The following UAP1 variants were observed in gnomAD, a reference collection of about 807,000 sequenced individuals.
The protein encoded by UAP1 is UDP-N-acetylhexosamine pyrophosphorylase.
A neutral mutation model predicts 58.5 loss-of-function variants in UAP1; 25 were observed. That is an observed-to-expected ratio of 0.43 (90% confidence interval 0.31 to 0.60). The LOEUF (loss-of-function observed/expected upper bound fraction) is 0.60, where lower values mean the gene tolerates loss of function less well. Among genes scored for constraint, UAP1 ranks in the 20% least tolerant of loss-of-function variants. UAP1 has a pLI of 0.11. For synonymous variants in UAP1, 208 were observed against 213.0 expected (o/e 0.98, Z 0.21); for missense variants, 575 against 630.0 (o/e 0.91, Z 0.93).
intron 8 of UAP1, among the ~76,000 whole-genome samples, chr1:162,591,299 G>A (rs1294273057): frequency 6.6e-6 from 1 of 152,138 alleles, no homozygotes; most frequent in African/African-American, 2.4e-5. Context: ...CCTACAAATT[G>A]TAGTCCAATG....
chr1:162,598,316 G>A (rs1203262696), intron 10 of UAP1, among the ~76,000 whole-genome samples: 1 of 152,156 alleles, frequency 6.6e-6, no homozygotes, highest in Non-Finnish European at 1.5e-5. Context: ...ATTTTCTGAT[G>A]GTCCTGCCCT....
chr1:162,569,604 T>C (rs1213286679), intron 2 of UAP1, among the ~76,000 whole-genome samples: 1 of 152,226 alleles, frequency 6.6e-6, no homozygotes, highest in African/African-American at 2.4e-5. Context: ...AAATTCCCAT[T>C]CTTTATTAAA....
At chr1:162,584,512 A>G (rs557351508) in intron 5 of UAP1, among the ~76,000 whole-genome samples, 8 of 152,138 alleles carry the variant, frequency 5.3e-5, no homozygotes, top group African/African-American at 1.9e-4. Flanking sequence ...ACAGGATCTC[A>G]CTCTGCCACC....
intron 5 of UAP1, among the ~76,000 whole-genome samples, chr1:162,583,871 C>G (rs1654751978): frequency 6.6e-6 from 1 of 151,242 alleles, no homozygotes; most frequent in Admixed American, 6.6e-5. Flanking sequence ...AACTTCTGAC[C>G]TCAGGTGATC....
At chr1:162,567,591 A>G (rs1046046390) in intron 2 of UAP1, among the ~76,000 whole-genome samples, 2 of 152,158 alleles carry the variant, frequency 1.3e-5, no homozygotes, top group Non-Finnish European at 2.9e-5. Flanking sequence ...TGATTCCCTC[A>G]GTGTTGGTAC....
At chr1:162,590,924 A>ATTTTTTT (rs529871740) in intron 8 of UAP1, among the ~76,000 whole-genome samples, 1 of 126,752 alleles carries the variant, frequency 7.9e-6, no homozygotes, top group Non-Finnish European at 1.7e-5. Flanking sequence ...CCTCACCACT[A>ATTTTTTT]TTTTTTTTTT....
Position 162,577,435 on chromosome 1 carries a change from CTTTTTTTTT to C in UAP1, c.485+477_485+485del, listed in dbSNP as rs67627704. Among the ~76,000 whole-genome samples the C allele has an allele frequency of 6.2e-3, 586 of 95,208 alleles. 8 individuals are homozygous for C. Among genetic ancestry groups the C allele is most frequent in the African/African-American group, 0.026 (541 of 20,978 alleles). 62.5% of individuals were successfully genotyped at this position (95,208 alleles called of 152,430 possible). ...ACCTTGGTCAGTGTTAGTTCCTTCC[CTTTTTTTTT>C]TTTTTTTTTTTTTTTTTTTTTTGAG... On this transcript the variant is annotated intron_variant, in intron 3 of 10. Transcript: ENST00000271469.
chr1:162,570,720 C>T (rs1417751379), intron 2 of UAP1, among the ~76,000 whole-genome samples: 2 of 152,068 alleles, frequency 1.3e-5, no homozygotes, highest in Admixed American at 6.6e-5. Flanking sequence ...TCAGCTATAA[C>T]GTGATTAAAA....
intron 1 of UAP1, among the ~76,000 whole-genome samples, chr1:162,562,991 A>AT (rs1476758889): frequency 1.3e-5 from 2 of 152,162 alleles, no homozygotes; most frequent in Admixed American, 6.5e-5. Flanking sequence ...TTATTACCAA[A>AT]TTTTTCATAT....
chr1:162,566,042 T>C (rs775610557), exon 2 of UAP1: 1 of 1,599,736 alleles, frequency 6.3e-7, no homozygotes, highest in Admixed American at 1.7e-5. Context: ...CACCCCTATT[T>C]CTACAAAGCT....
chr1:162,579,646 A>G (rs1258791067), intron 4 of UAP1, 43 bp downstream of exon 4: 1 of 1,379,038 alleles, frequency 7.3e-7, no homozygotes, highest in South Asian at 1.6e-5. Flanking sequence ...AAAGGATAAC[A>G]ACATAAATCA....
intron 4 of UAP1, 36 bp downstream of exon 4, chr1:162,579,639 G>A: frequency 3.5e-6 from 5 of 1,416,922 alleles, no homozygotes; most frequent in East Asian, 2.4e-5. Flanking sequence ...TGACTAGAAA[G>A]GATAACAACA....
intron 10 of UAP1, among the ~76,000 whole-genome samples, chr1:162,598,187 T>TG (rs907162902): frequency 7.9e-5 from 12 of 151,960 alleles, no homozygotes; most frequent in African/African-American, 2.9e-4. Flanking sequence ...GGCAATATAG[T>TG]GAGACCTGTC....
downstream of UAP1, chr1:162,599,878 A>G (rs1486513065): frequency 6.6e-6 from 1 of 152,288 alleles, no homozygotes; most frequent in Non-Finnish European, 1.5e-5. Context: ...TTGAGAAAAT[A>G]TGAAACTTGG....
At chr1:162,579,097 A>G (rs1374322161) in intron 3 of UAP1, among the ~76,000 whole-genome samples, 1 of 152,222 alleles carries the variant, frequency 6.6e-6, no homozygotes, top group Non-Finnish European at 1.5e-5. Flanking sequence ...CTGTTTATTC[A>G]GAATAGGCAT....
At chr1:162,587,351 G>A in intron 5 of UAP1, 124 bp from the exon 6 acceptor site, 1 of 851,044 alleles carries the variant, frequency 1.2e-6, no homozygotes, top group Non-Finnish European at 1.8e-6. Context: ...TAAAGTTAAA[G>A]ATTCTTCTTG....
At position 162,588,817 on chromosome 1, in the gene UAP1, A is replaced by G. The variant is rs751753070; in HGVS notation, c.1153A>G (p.Ile385Val). The G allele has an allele frequency of 3.7e-6, 6 of 1,611,872 alleles. No homozygotes were observed. The African/African-American group carries it at 4.0e-5, about 11-fold the overall frequency. The stretch of plus-strand genomic sequence containing the variant: ...AAAGATGGAAAAATTTGTCTTTGAC[A>G]TCTTCCAGTTTGCAAAGTATGCTTT... The change falls in exon 7 of 11, where the codon ATC becomes GTC. Residue 385 changes from isoleucine (I) to valine (V), a missense_variant. By Grantham distance (29) the Ile-to-Val change is conservative. Transcript: ENST00000271469.
At chr1:162,590,924 A>G (rs931622272) in intron 8 of UAP1, among the ~76,000 whole-genome samples, 1 of 126,752 alleles carries the variant, frequency 7.9e-6, no homozygotes, top group African/African-American at 2.9e-5. Flanking sequence ...CCTCACCACT[A>G]TTTTTTTTTT....
chr1:162,569,137 A>G (rs1653705295), intron 2 of UAP1, among the ~76,000 whole-genome samples: 3 of 152,216 alleles, frequency 2.0e-5, no homozygotes, highest in African/African-American at 7.2e-5. Context: ...CAAATTCATA[A>G]CAAAATGAAG....
Sources: allele counts gnomAD v4.1 joint callset (sites outside exome capture counted in the v4.1 genomes callset), GRCh38; gene constraint gnomAD v4.1.1; transcripts MANE v1.5; gene names NCBI Gene and HGNC (gene_info 2026-07-23, HGNC 2026-07-21).